ANKS1B: variants seen among roughly 807,000 people sequenced by gnomAD.
The protein encoded by ANKS1B is ankyrin repeat and sterile alpha motif domain containing 1B, also known as ankyrin repeat and sterile alpha motif domain-containing protein 1B.
In ANKS1B, 36 loss-of-function variants were observed where a neutral mutation model predicts 148.3. That is an observed-to-expected ratio of 0.24 (90% confidence interval 0.19 to 0.32). The LOEUF (loss-of-function observed/expected upper bound fraction) is 0.32, where lower values mean the gene tolerates loss of function less well. ANKS1B is among the 10% of genes least tolerant of loss of function. The pLI is 1.00. For missense variants in ANKS1B, 1,157 were observed against 1,542.6 expected (o/e 0.75, Z 4.19); for synonymous variants, 542 against 560.8 (o/e 0.97, Z 0.47).
chr12:98,895,403 A>G (rs1417052747), intron 17 of ANKS1B: 2 of 757,760 alleles, frequency 2.6e-6, no homozygotes, highest in Non-Finnish European at 3.2e-6. Flanking sequence ...GCGGCAGAGC[A>G]GTGGCAGCAG....
chr12:99,339,492 C>T (rs540746775), intron 12 of ANKS1B, among the ~76,000 whole-genome samples: 1 of 152,208 alleles, frequency 6.6e-6, no homozygotes, highest in East Asian at 1.9e-4. Context: ...TGATTGCTCA[C>T]CTAAATTTTG....
chr12:99,875,540 T>C (rs1284788386), intron 1 of ANKS1B, among the ~76,000 whole-genome samples: 1 of 152,040 alleles, frequency 6.6e-6, no homozygotes, highest in Non-Finnish European at 1.5e-5. Context: ...AAAGAAATTT[T>C]GAAGAAGTAA....
chr12:98,861,610 A>G (rs1196769993), intron 17 of ANKS1B, among the ~76,000 whole-genome samples: 1 of 152,252 alleles, frequency 6.6e-6, no homozygotes, highest in Non-Finnish European at 1.5e-5. Context: ...CATCAGCAAG[A>G]AAAAGCCCAC....
At chr12:99,536,615 TTTTAA>T (rs143623733) in intron 9 of ANKS1B, among the ~76,000 whole-genome samples, 1,750 of 152,292 alleles carry the variant, frequency 0.011, 32 homozygotes, top group African/African-American at 0.04. Context: ...GAAATTTTTA[TTTTAA>T]TTTAAATTTT....
Position 99,087,052 on chromosome 12 carries a change from G to A in ANKS1B, c.2527-2029C>T, listed in dbSNP as rs573347226. Among the ~76,000 whole-genome samples, 282 of 152,292 alleles carry A rather than the reference G, an allele frequency of 1.9e-3. 1 individual carries two copies. Among genetic ancestry groups the A allele is most frequent in the Non-Finnish European group, 3.4e-3 (228 of 68,036 alleles). ...GCAAACTATCAGGAAGTTTGACGTG[G>A]AGATTGAACATGTGGAATGATGCAG... On this transcript the variant is annotated intron_variant, in intron 15 of 26. Coordinates refer to ENST00000683438, the MANE Select transcript of ANKS1B (RefSeq NM_001352186.2).
chr12:98,819,766 A>G (rs2099169295), intron 19 of ANKS1B, among the ~76,000 whole-genome samples: 1 of 152,142 alleles, frequency 6.6e-6, no homozygotes, highest in African/African-American at 2.4e-5. Flanking sequence ...GGTCATCTGT[A>G]TTCTCAGTTC....
At chr12:99,097,866 A>G (rs966844025) in intron 15 of ANKS1B, among the ~76,000 whole-genome samples, 1 of 152,216 alleles carries the variant, frequency 6.6e-6, no homozygotes, top group Non-Finnish European at 1.5e-5. Context: ...CAAGGAGTAC[A>G]TCTACTCATA....
intron 19 of ANKS1B, among the ~76,000 whole-genome samples, chr12:98,811,461 G>T (rs558290364): frequency 7.9e-5 from 12 of 152,172 alleles, no homozygotes; most frequent in Non-Finnish European, 1.3e-4. Context: ...CTCTGTGTCA[G>T]CTCGGTAGGT....
chr12:99,209,517 T>C (rs1328068836), intron 14 of ANKS1B, among the ~76,000 whole-genome samples: 2 of 152,212 alleles, frequency 1.3e-5, no homozygotes, highest in Non-Finnish European at 2.9e-5. Context: ...CTCTCTTTCT[T>C]AAGCCCTGTA....
rs1566994129 is a variant in ANKS1B, at chr12:99,382,353, TAGAC to T, written c.1756+17274_1756+17277del. 2.0e-5 allele frequency among the ~76,000 whole-genome samples: 3 copies of T among 152,014 alleles called. 1 individual carries two copies. The highest frequency in any genetic ancestry group is 2.4e-5 in the African/African-American group (1 of 41,464). On this transcript the variant is annotated intron_variant, in intron 12 of 26. Transcript: ENST00000683438. ...TAGAACAAACTTAGCCAAATGGAAA[TAGAC>T]AGAGTCCTAAGAAGTAAAATGAGCA...
rs1034758594 is a variant in ANKS1B, at chr12:99,795,131, TAGTC to T, written c.669+11269_669+11272del. ...AGAGGAAGAAGATAGAGGTAAATAA[TAGTC>T]AGTGGCTAAGAACTTTACATAATTG... On this transcript the variant is annotated intron_variant, in intron 4 of 26. Transcript: ENST00000683438. Among the ~76,000 whole-genome samples the T allele has an allele frequency of 3.3e-5, 5 of 151,980 alleles. 1 individual carries two copies. Among genetic ancestry groups the T allele is most frequent in the Admixed American group, 3.3e-4 (5 of 15,220 alleles).
chr12:99,382,896 T>C (rs1490909665), intron 12 of ANKS1B, among the ~76,000 whole-genome samples: 1 of 152,088 alleles, frequency 6.6e-6, no homozygotes, highest in Non-Finnish European at 1.5e-5. Context: ...GTCTTAGATA[T>C]ATTATACCTG....
chr12:98,948,830 A>T (rs1259661496), intron 17 of ANKS1B, among the ~76,000 whole-genome samples: 2 of 150,680 alleles, frequency 1.3e-5, no homozygotes, highest in African/African-American at 4.9e-5. Context: ...TCAAGAGCAC[A>T]CGGGTAGTAA....
At chr12:99,705,305 T>C (rs1449443919) in intron 8 of ANKS1B, among the ~76,000 whole-genome samples, 2 of 151,924 alleles carry the variant, frequency 1.3e-5, no homozygotes, top group Non-Finnish European at 2.9e-5. Context: ...ATAATGAAAA[T>C]AGGTGATTGA....
At chr12:99,604,596 C>T (rs558146926) in intron 9 of ANKS1B, among the ~76,000 whole-genome samples, 1 of 151,866 alleles carries the variant, frequency 6.6e-6, no homozygotes. Flanking sequence ...AGGTAGATCA[C>T]CTGAGGTCAG....
intron 9 of ANKS1B, among the ~76,000 whole-genome samples, chr12:99,646,989 G>GA (rs796383764): frequency 1.1e-3 from 155 of 135,988 alleles, no homozygotes; most frequent in East Asian, 4.7e-3. Flanking sequence ...TATAGAAACA[G>GA]AAAAAAAAAA....
chr12:99,421,976 C>T (rs1366872781), intron 11 of ANKS1B, among the ~76,000 whole-genome samples: 3 of 152,216 alleles, frequency 2.0e-5, no homozygotes, highest in Non-Finnish European at 4.4e-5. Flanking sequence ...CCTGCTTGCA[C>T]TTCACAACTT....
intron 8 of ANKS1B, among the ~76,000 whole-genome samples, chr12:99,670,624 A>G (rs2098533449): frequency 1.3e-5 from 2 of 152,190 alleles, no homozygotes; most frequent in South Asian, 2.1e-4. Context: ...ACATATCTAT[A>G]CATAACTAGA....
At chr12:99,809,018 GT>G (rs2067994147) in intron 3 of ANKS1B, among the ~76,000 whole-genome samples, 1 of 152,190 alleles carries the variant, frequency 6.6e-6, no homozygotes, top group South Asian at 2.1e-4. Context: ...CGCCACAACG[GT>G]GGTACTTTTA....
Sources: allele counts gnomAD v4.1 joint callset (sites outside exome capture counted in the v4.1 genomes callset), GRCh38; gene constraint gnomAD v4.1.1; transcripts MANE v1.5; gene names NCBI Gene and HGNC (gene_info 2026-07-23, HGNC 2026-07-21).